Variants in SPEN observed in about 807,000 individuals in gnomAD.
The protein encoded by SPEN is spen family transcriptional repressor.
Under a neutral mutation model 269.9 loss-of-function variants are expected in SPEN, and 18 were observed. The observed-to-expected ratio is 0.07, with a 90% CI of 0.05 to 0.10. The LOEUF is 0.10. Among genes scored for constraint, SPEN ranks in the 10% least tolerant of loss-of-function variants. The pLI is 1.00. For missense variants in SPEN, 3,822 were observed against 4,631.2 expected (o/e 0.83, Z 5.07); for synonymous variants, 1,726 against 1,765.7 (o/e 0.98, Z 0.56).
Position 15,920,942 on chromosome 1 carries a change from A to G in SPEN, c.1708A>G (p.Lys570Glu). 2 of 1,612,954 alleles carry G rather than the reference A, an allele frequency of 1.2e-6. No individual in the cohort carries two copies. The highest frequency in any genetic ancestry group is 1.7e-6 in the Non-Finnish European group (2 of 1,179,516). The change falls in exon 9 of 15, where the codon AAA becomes GAA. Residue 570 changes from lysine (K) to glutamate (E), a missense_variant. Around this residue, in one of 16 missense-constraint regions of SPEN, gnomAD observed 230 missense variants for 426.1 expected, o/e 0.54. Transcript: ENST00000375759. ...NEIEYAQAAVKETKGRKIGGN... is the reference protein window; with the variant it reads ...NEIEYAQAAVEETKGRKIGGN... The stretch of plus-strand genomic sequence containing the variant: ...AATTGAATATGCACAAGCAGCTGTA[A>G]AAGAGACCAAAGGGAGGAAAATCGG...
chr1:15,920,949 C>G lies in SPEN; in HGVS notation c.1715C>G (p.Thr572Ser). ...TATGCACAAGCAGCTGTAAAAGAGA[C>G]CAAAGGGAGGAAAATCGGTGGGAAT... ...IEYAQAAVKE[T>S]KGRKIGGNKI... The change falls in exon 9 of 15, where the codon ACC becomes AGC. Residue 572 changes from threonine to serine, a missense_variant. Physicochemically the swap from Thr to Ser is moderately conservative, Grantham distance 58. Transcript: ENST00000375759. 6.2e-7 allele frequency: 1 copy of G among 1,611,842 alleles called. No homozygotes were observed.
intron 3 of SPEN, among the ~76,000 whole-genome samples, chr1:15,878,199 G>C (rs766532146): frequency 3.9e-4 from 59 of 152,020 alleles, no homozygotes; most frequent in Non-Finnish European, 5.1e-4. Flanking sequence ...TTCAATTTAG[G>C]TGGTATATAT....
chr1:15,851,405 A>C (rs2070333625), intron 1 of SPEN, among the ~76,000 whole-genome samples: 1 of 152,210 alleles, frequency 6.6e-6, no homozygotes, highest in Non-Finnish European at 1.5e-5. Flanking sequence ...TTACAGGGAC[A>C]CAATAGAGAA....
Position 15,937,780 on chromosome 1 carries a change from A to C in SPEN, c.10510-32A>C, listed in dbSNP as rs1212672662. 1 of 1,612,210 alleles carries C rather than the reference A, an allele frequency of 6.2e-7. No individual in the cohort carries two copies. Among genetic ancestry groups the C allele is most frequent in the Non-Finnish European group, 8.5e-7 (1 of 1,179,188 alleles). On this transcript the variant is annotated intron_variant, in intron 12 of 14. Transcript: ENST00000375759. The surrounding 1 kb of genome is among the most constrained non-coding windows in gnomAD (Gnocchi z 5.7). Reference sequence around the variant, plus strand: ...CAGCATGGCTCAGCGAGGGGCCATGAGCTCACTTCCTGTTTGTTTCCCTGT... The same window carrying C: ...CAGCATGGCTCAGCGAGGGGCCATGCGCTCACTTCCTGTTTGTTTCCCTGT...
At chr1:15,873,434 A>T in intron 2 of SPEN, 1 of 1,100,576 alleles carries the variant, frequency 9.1e-7, no homozygotes, top group Non-Finnish European at 1.1e-6. Flanking sequence ...CTTCTCTTGG[A>T]TAATGTTAAG....
intron 1 of SPEN, among the ~76,000 whole-genome samples, chr1:15,858,480 C>T (rs1207319497): frequency 6.6e-6 from 1 of 152,176 alleles, no homozygotes; most frequent in Non-Finnish European, 1.5e-5. Flanking sequence ...ACAACACTAC[C>T]ACCCAATGCA....
Position 15,931,175 on chromosome 1 carries a change from A to G in SPEN, c.4935A>G (p.Val1645=). The G allele has an allele frequency of 6.2e-7, 1 of 1,614,216 alleles. No individual in the cohort carries two copies. The highest frequency in any genetic ancestry group is 8.5e-7 in the Non-Finnish European group (1 of 1,180,036). Reference sequence around the variant, plus strand: ...TTGGGCCTCCAAGTGTCACAGTCGTAACTCTAGAATCAGCCCCATCAGCAC... The same window carrying G: ...TTGGGCCTCCAAGTGTCACAGTCGTGACTCTAGAATCAGCCCCATCAGCAC... ...PSVGPPSVTV[V]TLESAPSALE... The change falls in exon 11 of 15, where the codon GTA becomes GTG. Residue 1645 remains valine, a synonymous_variant. Coordinates refer to ENST00000375759, the MANE Select transcript of SPEN (RefSeq NM_015001.3). The surrounding 1 kb of genome is among the most constrained non-coding windows in gnomAD (Gnocchi z 4.8).
chr1:15,892,128 C>T (rs1413993704), intron 3 of SPEN, among the ~76,000 whole-genome samples: 1 of 143,636 alleles, frequency 7.0e-6, no homozygotes. Flanking sequence ...TCACGTCATT[C>T]TCCTGCCTCA....
At position 15,930,348 on chromosome 1, in the gene SPEN, G is replaced by T; in HGVS notation, c.4108G>T (p.Val1370Leu). Residue 1370 changes from valine (V) to leucine (L), a missense_variant, in exon 11 of 15, where the codon GTA becomes TTA. Coordinates refer to ENST00000375759, the MANE Select transcript of SPEN (RefSeq NM_015001.3). The surrounding 1 kb of genome is among the most constrained non-coding windows in gnomAD (Gnocchi z 5.3). ...GAGAGATAGCCTTCGAAAAAGGTCT[G>T]TACGAGATCTGGAACCTGGTGAGGT... ...IKRDSLRKRS[V>L]RDLEPGEVPS... The T allele has an allele frequency of 2.5e-6, 4 of 1,613,712 alleles. No homozygotes were observed. The highest frequency in any genetic ancestry group is 3.4e-6 in the Non-Finnish European group (4 of 1,179,648).
chr1:15,925,245 C>G (rs1262657447), intron 10 of SPEN, among the ~76,000 whole-genome samples: 3 of 152,124 alleles, frequency 2.0e-5, no homozygotes, highest in Non-Finnish European at 4.4e-5. Context: ...TTGAGCTTAC[C>G]CTTTACCGGA....
intron 1 of SPEN, among the ~76,000 whole-genome samples, chr1:15,868,205 G>T (rs145536448): frequency 1.3e-4 from 20 of 151,132 alleles, no homozygotes; most frequent in African/African-American, 4.6e-4. Flanking sequence ...ATGAGGTCTT[G>T]CTGTGTTGTG....
chr1:15,931,554 C>G lies in SPEN; in HGVS notation c.5314C>G (p.Pro1772Ala). Residue 1772 changes from proline to alanine, a missense_variant, in exon 11 of 15, where the codon CCA (proline) becomes GCA (alanine). Pro to Ala is a conservative substitution (Grantham distance 27). This residue lies in a region of SPEN where 533 missense variants were observed against 618.8 expected (regional missense o/e 0.86). Transcript: ENST00000375759. This position sits in a 1 kb window ranked among gnomAD's most constrained non-coding sequence, Gnocchi z 4.8. ...PAQKSEEANE[P>A]KAEKPDATAD... ...TCAGAAGTCTGAGGAAGCCAATGAG[C>G]CAAAGGCCGAAAAGCCAGACGCCAC... 1 of 1,614,158 alleles carries G rather than the reference C, an allele frequency of 6.2e-7. No homozygotes were observed. Among genetic ancestry groups the G allele is most frequent in the Non-Finnish European group, 8.5e-7 (1 of 1,180,016 alleles).
chr1:15,903,947 T>C (rs2070926951), intron 3 of SPEN, among the ~76,000 whole-genome samples: 1 of 152,224 alleles, frequency 6.6e-6, no homozygotes, highest in Non-Finnish European at 1.5e-5. Context: ...TTTTGGCTTT[T>C]AAGAAACAAC....
In SPEN at chr1:15,934,945, T is replaced by C. The variant is rs1183553331; in HGVS notation, c.8705T>C (p.Val2902Ala). 1.2e-6 allele frequency: 2 copies of C among 1,614,010 alleles called. No individual in the cohort carries two copies. The highest frequency in any genetic ancestry group is 2.2e-5 in the South Asian group (2 of 91,084). Residue 2902 changes from valine (V) to alanine (A), a missense_variant, in exon 11 of 15, where the codon GTG (valine) becomes GCG (alanine). By Grantham distance (64) the Val-to-Ala change is moderately conservative. Coordinates refer to ENST00000375759, the MANE Select transcript of SPEN (RefSeq NM_015001.3). The surrounding 1 kb of genome is among the most constrained non-coding windows in gnomAD (Gnocchi z 9.2). Reference sequence around the variant, plus strand: ...AATGCCTCTCCTGTGATTTCGTCTGTGAAGGCCGATAGGCCATCCTTGGAG... The same window carrying C: ...AATGCCTCTCCTGTGATTTCGTCTGCGAAGGCCGATAGGCCATCCTTGGAG... ...TYNASPVISSVKADRPSLEKP... is the reference protein window; with the variant it reads ...TYNASPVISSAKADRPSLEKP...
In SPEN at chr1:15,934,901, A is replaced by G; in HGVS notation, c.8661A>G (p.Val2887=). Residue 2887 remains valine, a synonymous_variant, in exon 11 of 15, where the codon GTA becomes GTG. Transcript: ENST00000375759. The surrounding 1 kb of genome is among the most constrained non-coding windows in gnomAD (Gnocchi z 9.2). ...YANVATHSTL[V]LTAQTYNASP... Reference sequence around the variant, plus strand: ...ACGTGGCCACCCATTCCACGTTGGTACTGACCGCCCAGACATATAATGCCT... The same window carrying G: ...ACGTGGCCACCCATTCCACGTTGGTGCTGACCGCCCAGACATATAATGCCT... 1 of 1,614,052 alleles carries G rather than the reference A, an allele frequency of 6.2e-7. No homozygotes were observed. Among genetic ancestry groups the G allele is most frequent in the South Asian group, 1.1e-5 (1 of 91,074 alleles).
chr1:15,863,803 T>A (rs1247272112), intron 1 of SPEN, among the ~76,000 whole-genome samples: 3 of 152,128 alleles, frequency 2.0e-5, no homozygotes, highest in Non-Finnish European at 4.4e-5. Context: ...ATTGCACCAC[T>A]GCACTCCAGC....
In SPEN at chr1:15,937,574, C is replaced by T. The variant is rs757384418; in HGVS notation, c.10438C>T (p.Pro3480Ser). 1.9e-6 allele frequency: 3 copies of T among 1,614,066 alleles called. No individual in the cohort carries two copies. The highest frequency in any genetic ancestry group is 2.5e-6 in the Non-Finnish European group (3 of 1,180,046). The part of the protein sequence containing the change: ...GLVLPHTEFQ[P>S]APKQDSSPHL... ...GGTTCTGCCACACACTGAATTCCAG[C>T]CAGCCCCCAAACAAGATTCCTCTCC... The change falls in exon 12 of 15, where the codon CCA becomes TCA. Residue 3480 changes from proline to serine, a missense_variant. Pro to Ser is a moderately conservative substitution (Grantham distance 74). This residue lies in a region of SPEN where 359 missense variants were observed against 377.3 expected (regional missense o/e 0.95). Transcript: ENST00000375759. This position sits in a 1 kb window ranked among gnomAD's most constrained non-coding sequence, Gnocchi z 5.7.
intron 3 of SPEN, among the ~76,000 whole-genome samples, chr1:15,881,033 G>C (rs1466381515): frequency 1.3e-5 from 2 of 151,916 alleles, no homozygotes; most frequent in African/African-American, 4.8e-5. Context: ...TGTTGCCCAG[G>C]CTGCTGGAGT....
intron 3 of SPEN, among the ~76,000 whole-genome samples, chr1:15,902,383 TCTC>T (rs1429428476): frequency 6.6e-6 from 1 of 152,170 alleles, no homozygotes; most frequent in Non-Finnish European, 1.5e-5. Flanking sequence ...GTCTCACAGA[TCTC>T]CTAAAAGGAT....
Sources: gnomAD v4.1 joint callset for allele counts (sites outside exome capture counted in the v4.1 genomes callset) on GRCh38, gnomAD v4.1.1 for gene constraint, gnomAD v4.1.1 regional missense constraint, Gnocchi (gnomAD v3.1) non-coding constraint, MANE v1.5 for transcripts, NCBI Gene and HGNC (gene_info 2026-07-23, HGNC 2026-07-21) for gene names.